Variants in DNAJC5 observed in about 807,000 individuals in gnomAD.
DNAJC5 encodes dnaJ homolog subfamily C member 5.
In DNAJC5, 1 loss-of-function variant was observed where a neutral mutation model predicts 23.2. The ratio of observed to expected loss-of-function variants is 0.04; its 90% confidence interval spans 0.02 to 0.20. DNAJC5 has a LOEUF of 0.20. Among genes scored for constraint, DNAJC5 ranks in the 10% least tolerant of loss-of-function variants. The probability of loss-of-function intolerance (pLI) is 1.00; values close to 1 mark genes in which losing one functional copy is unlikely to be tolerated. For synonymous variants in DNAJC5, 136 were observed against 120.0 expected (o/e 1.13, Z -0.87); for missense variants, 180 against 267.0 (o/e 0.67, Z 2.27).
At chr20:63,900,772 T>A (rs1297934151) in intron 1 of DNAJC5, among the ~76,000 whole-genome samples, 1 of 152,184 alleles carries the variant, frequency 6.6e-6, no homozygotes, top group Admixed American at 6.5e-5. Context: ...GTGACATTTT[T>A]AAATTTTTGT....
rs1213960665 is a variant in DNAJC5 at position 63,934,340 on chromosome 20, G to C, written c.*2772G>C. The C allele has an allele frequency of 2.0e-5, 3 of 152,374 alleles. No individual in the cohort carries two copies. The highest frequency in any genetic ancestry group is 4.8e-5 in the African/African-American group (2 of 41,472). The allele number at this position is 152,374 out of a possible 1,614,324, so 9.4% of individuals were successfully genotyped here. A position where few individuals can be genotyped will look rare whatever the true frequency, so the allele number is the denominator to read the frequency against. On this transcript the variant is annotated 3_prime_UTR_variant, in exon 5 of 5. Transcript: ENST00000360864. ...CCAGCACCCCTGCCTGCTTTTGCTGGTGGCAGTGACGGGACCCCGACTCCT... is the reference window on the plus strand; with the variant it reads ...CCAGCACCCCTGCCTGCTTTTGCTGCTGGCAGTGACGGGACCCCGACTCCT...
intron 1 of DNAJC5, among the ~76,000 whole-genome samples, chr20:63,899,880 C>CT (rs1206952926): frequency 0.014 from 1,566 of 114,646 alleles, 46 homozygotes; most frequent in African/African-American, 0.019. Context: ...TGCGCCTGGG[C>CT]TTTTTTTTTT....
chr20:63,902,481 G>A (rs1242427903), intron 1 of DNAJC5, among the ~76,000 whole-genome samples: 5 of 147,186 alleles, frequency 3.4e-5, no homozygotes, highest in African/African-American at 1.3e-4. Flanking sequence ...TGATTCTCCA[G>A]CCTCAGCCTC....
chr20:63,913,629 A>T (rs911748459), intron 1 of DNAJC5, among the ~76,000 whole-genome samples: 2 of 152,078 alleles, frequency 1.3e-5, no homozygotes, highest in African/African-American at 2.4e-5. Context: ...GCTGGAGTGC[A>T]GTGGTGCCAT....
At chr20:63,910,010 G>C (rs538620884) in intron 1 of DNAJC5, among the ~76,000 whole-genome samples, 2 of 152,338 alleles carry the variant, frequency 1.3e-5, no homozygotes, top group Admixed American at 1.3e-4. Flanking sequence ...TAACGATTCT[G>C]CTTTAGGAGC....
rs2053697505 is a variant in DNAJC5 at position 63,934,148 on chromosome 20, T to C, written c.*2580T>C. On this transcript the variant is annotated 3_prime_UTR_variant, in exon 5 of 5. Transcript: ENST00000360864. ...CTAGAAGCAGAACCGTTTTCAGCGCTCTGCCCTGTTGGCTTTAAGGCTTTG... is the reference window on the plus strand; with the variant it reads ...CTAGAAGCAGAACCGTTTTCAGCGCCCTGCCCTGTTGGCTTTAAGGCTTTG... 1 of 152,270 alleles carries C rather than the reference T, an allele frequency of 6.6e-6. No individual in the cohort carries two copies. Among genetic ancestry groups the C allele is most frequent in the South Asian group, 2.1e-4 (1 of 4,818 alleles). The allele number at this position is 152,270 out of a possible 1,614,324, so 9.4% of individuals were successfully genotyped here.
chr20:63,919,427 C>T (rs4809383), intron 1 of DNAJC5: 22,947 of 406,162 alleles, frequency 0.056, 929 homozygotes, highest in East Asian at 0.093. Flanking sequence ...GACAGCGCCA[C>T]GGAAGAGGAC....
rs2053691258 is a variant in DNAJC5 at position 63,933,445 on chromosome 20, CT to C, written c.*1881del. On this transcript the variant is annotated 3_prime_UTR_variant, in exon 5 of 5. Transcript: ENST00000360864. ...GTCCTGGGCAGCTTTGTTTGTCCCA[CT>C]TTTCTTTGTTTCTTCTCACTAAAAT... is the stretch of plus-strand genomic sequence containing the variant. 6.6e-6 allele frequency: 1 copy of C among 152,344 alleles called. No individual in the cohort carries two copies. Among genetic ancestry groups the C allele is most frequent in the Non-Finnish European group, 1.5e-5 (1 of 68,042 alleles). 9.4% of individuals were successfully genotyped at this position (152,344 alleles called of 1,614,324 possible).
intron 1 of DNAJC5, among the ~76,000 whole-genome samples, chr20:63,921,683 C>G (rs534480816): frequency 6.6e-6 from 1 of 152,268 alleles, no homozygotes; most frequent in South Asian, 2.1e-4. Context: ...TCGTCACTTG[C>G]AGCAGGTTGC....
intron 1 of DNAJC5, among the ~76,000 whole-genome samples, chr20:63,915,757 C>T (rs886774528): frequency 6.6e-6 from 1 of 152,224 alleles, no homozygotes; most frequent in African/African-American, 2.4e-5. Context: ...CTTGGGCACC[C>T]AGAAGTTCCA....
At chr20:63,908,413 C>T (rs1024524726) in intron 1 of DNAJC5, among the ~76,000 whole-genome samples, 2 of 152,210 alleles carry the variant, frequency 1.3e-5, no homozygotes, top group Non-Finnish European at 2.9e-5. Flanking sequence ...GATCCACTCT[C>T]TGTGTCTTGA....
At position 63,920,764 on chromosome 20, in the gene DNAJC5, C is replaced by T. The variant is rs922260665; in HGVS notation, c.-11-7571C>T. On this transcript the variant is annotated intron_variant, in intron 1 of 4. Transcript: ENST00000360864. This position sits in a 1 kb window ranked among gnomAD's most constrained non-coding sequence, Gnocchi z 4.6. ...GAGATCTCGGCTCACTGCAACCTCC[C>T]CCTCGAGGGTTCAAGCGATTCTCCT... Among the ~76,000 whole-genome samples the T allele has an allele frequency of 2.0e-5, 3 of 150,734 alleles. No individual in the cohort carries two copies. The East Asian group carries it at 5.9e-4, about 29-fold the overall frequency.
intron 1 of DNAJC5, among the ~76,000 whole-genome samples, chr20:63,903,614 A>G (rs1277731823): frequency 6.6e-6 from 1 of 152,084 alleles, no homozygotes; most frequent in Non-Finnish European, 1.5e-5. Flanking sequence ...GCCCATCTCA[A>G]ACTTTTAATA....
At chr20:63,921,581 A>C in intron 1 of DNAJC5, among the ~76,000 whole-genome samples, 1 of 135,970 alleles carries the variant, frequency 7.4e-6, no homozygotes. Context: ...ACAGAGCGAG[A>C]CTCCGTCTCA....
At chr20:63,926,041 G>C (rs1056034872) in intron 1 of DNAJC5, among the ~76,000 whole-genome samples, 5 of 152,108 alleles carry the variant, frequency 3.3e-5, no homozygotes, top group Non-Finnish European at 7.4e-5. Flanking sequence ...TGTTAGCCAG[G>C]ATGGTCTCAA....
chr20:63,907,303 G>A (rs981927933), intron 1 of DNAJC5, among the ~76,000 whole-genome samples: 4 of 152,166 alleles, frequency 2.6e-5, no homozygotes, highest in African/African-American at 9.7e-5. Flanking sequence ...CACGGTGACT[G>A]CAAATAGGTT....
intron 1 of DNAJC5, among the ~76,000 whole-genome samples, chr20:63,924,289 A>G (rs2053593919): frequency 1.3e-5 from 2 of 152,166 alleles, no homozygotes; most frequent in African/African-American, 2.4e-5. Flanking sequence ...ACTTCTTTAT[A>G]TCGAGGCTTC....
chr20:63,916,674 G>A lies in DNAJC5; in HGVS notation c.-11-11661G>A, dbSNP rs555570639. Among the ~76,000 whole-genome samples the A allele has an allele frequency of 5.3e-5, 8 of 152,302 alleles. No homozygotes were observed. The South Asian group carries it at 1.7e-3, about 32-fold the overall frequency. On this transcript the variant is annotated intron_variant, in intron 1 of 4. Transcript: ENST00000360864. Reference sequence around the variant, plus strand: ...ACCAGGGTGGGGTTTCCCAATCCTAGTAAGCCTGAGGGTACTGCAGGAGAC... The same window carrying A: ...ACCAGGGTGGGGTTTCCCAATCCTAATAAGCCTGAGGGTACTGCAGGAGAC...
At chr20:63,901,623 A>G (rs1426715393) in intron 1 of DNAJC5, among the ~76,000 whole-genome samples, 1 of 152,218 alleles carries the variant, frequency 6.6e-6, no homozygotes, top group Admixed American at 6.5e-5. Context: ...GCCTGACGGG[A>G]GGAGTGACTG....
Sources: allele counts gnomAD v4.1 joint callset (sites outside exome capture counted in the v4.1 genomes callset), GRCh38; gene constraint gnomAD v4.1.1; non-coding constraint Gnocchi (gnomAD v3.1); transcripts MANE v1.5; gene names NCBI Gene and HGNC (gene_info 2026-07-23, HGNC 2026-07-21).